The following P3H2 variants were observed in gnomAD, a reference collection of about 807,000 sequenced individuals.
P3H2 encodes prolyl 3-hydroxylase 2.
A neutral mutation model predicts 87.0 loss-of-function variants in P3H2; 80 were observed. The ratio of observed to expected loss-of-function variants is 0.92; its 90% CI spans 0.77 to 1.11. The LOEUF is 1.11. P3H2 is among the 50% of genes least tolerant of loss of function. The probability of loss-of-function intolerance (pLI) is 0.00; values close to 1 mark genes in which losing one functional copy is unlikely to be tolerated. For missense variants in P3H2, 1,001 were observed against 923.9 expected (o/e 1.08, Z -1.08); for synonymous variants, 367 against 359.3 (o/e 1.02, Z -0.24).
intron 8 of P3H2, among the ~76,000 whole-genome samples, chr3:189,976,164 G>GC (rs1723341954): frequency 6.6e-6 from 1 of 152,140 alleles, no homozygotes; most frequent in Non-Finnish European, 1.5e-5. Flanking sequence ...TTATAGTACT[G>GC]TTGGTGTGTA....
intron 1 of P3H2, among the ~76,000 whole-genome samples, chr3:190,036,016 T>C (rs1372324870): frequency 6.6e-6 from 1 of 152,214 alleles, no homozygotes; most frequent in African/African-American, 2.4e-5. Context: ...TCTGACCAGT[T>C]ATTTTATTCA....
At chr3:190,038,230 G>A (rs1334330522) in intron 1 of P3H2, among the ~76,000 whole-genome samples, 1 of 77,088 alleles carries the variant, frequency 1.3e-5, no homozygotes, top group African/African-American at 5.5e-5. Flanking sequence ...AGCAAGACTA[G>A]GTTTAAAAAA....
intron 14 of P3H2, among the ~76,000 whole-genome samples, chr3:189,958,557 G>T (rs1315349349): frequency 6.6e-6 from 1 of 151,628 alleles, no homozygotes; most frequent in Non-Finnish European, 1.5e-5. Context: ...TTGTTGGGGG[G>T]TGGGAGGGTG....
intron 1 of P3H2, among the ~76,000 whole-genome samples, chr3:190,064,551 T>C (rs1188789027): frequency 6.6e-6 from 1 of 152,152 alleles, no homozygotes; most frequent in East Asian, 1.9e-4. Context: ...CCAGTCTTTG[T>C]GCATTCACAT....
intron 1 of P3H2, among the ~76,000 whole-genome samples, chr3:190,040,699 C>T (rs1725578956): frequency 6.6e-6 from 1 of 151,948 alleles, no homozygotes; most frequent in Non-Finnish European, 1.5e-5. Context: ...TGCATCATTG[C>T]CTGTGGAAAG....
intron 1 of P3H2, among the ~76,000 whole-genome samples, chr3:190,056,251 C>T (rs1027958850): frequency 6.6e-6 from 1 of 152,172 alleles, no homozygotes; most frequent in Non-Finnish European, 1.5e-5. Context: ...AAATAAATGT[C>T]TGTTGTTCAA....
In P3H2 at chr3:190,120,239, G is replaced by A. The variant is rs1406724855; in HGVS notation, c.480+13C>T. 7 of 1,607,588 alleles carry A rather than the reference G, an allele frequency of 4.4e-6. No individual in the cohort carries two copies. The highest frequency in any genetic ancestry group is 2.7e-5 in the African/African-American group (2 of 74,868). On this transcript the variant is annotated intron_variant, in intron 1 of 14. Transcript: ENST00000319332. ...CGCAGGGGCTTTGCAGTGGAGGAGC[G>A]CTCTGTGGGTACCTTGATGTAGGCC...
intron 1 of P3H2, among the ~76,000 whole-genome samples, chr3:190,036,029 T>C (rs2693036): frequency 0.8 from 122,416 of 152,104 alleles, 49,316 homozygotes; most frequent in East Asian, 0.86. Flanking sequence ...TTTATTCAAT[T>C]GCAAGAATTG....
chr3:190,073,138 G>A (rs190638870), intron 1 of P3H2, among the ~76,000 whole-genome samples: 1 of 152,296 alleles, frequency 6.6e-6, no homozygotes, highest in African/African-American at 2.4e-5. Flanking sequence ...CTAAAGAACA[G>A]ATACACCTAA....
chr3:190,081,370 T>C (rs918998250), intron 1 of P3H2, among the ~76,000 whole-genome samples: 17 of 152,352 alleles, frequency 1.1e-4, no homozygotes, highest in Middle Eastern at 6.8e-3. Flanking sequence ...GGTAGCTTCA[T>C]GTTACCATCA....
chr3:190,066,178 C>CACACACACACACAT (rs1398712598), intron 1 of P3H2, among the ~76,000 whole-genome samples: 13 of 143,294 alleles, frequency 9.1e-5, no homozygotes, highest in African/African-American at 3.1e-4. Flanking sequence ...CACACACACA[C>CACACACACACACAT]ATATATACAC....
intron 14 of P3H2, among the ~76,000 whole-genome samples, chr3:189,960,090 T>C (rs1722768140): frequency 1.3e-5 from 2 of 152,168 alleles, no homozygotes; most frequent in Admixed American, 1.3e-4. Context: ...CCAAACATCT[T>C]ATTGTCTCTG....
intron 1 of P3H2, among the ~76,000 whole-genome samples, chr3:189,997,335 GA>G (rs1419451545): frequency 6.6e-6 from 1 of 152,120 alleles, no homozygotes; most frequent in Non-Finnish European, 1.5e-5. Context: ...CCTCACATCA[GA>G]AAAATAAAAA....
rs569650133 is a variant in P3H2 at position 190,026,990 on chromosome 3, C to T, written c.481-31548G>A. On this transcript the variant is annotated intron_variant, in intron 1 of 14. Coordinates refer to ENST00000319332, the MANE Select transcript of P3H2 (RefSeq NM_018192.4). Reference sequence around the variant, plus strand: ...TTATACTTTATTTAAAACATAACTGCCTTCTACAATACGAGCCAAGCACTG... The same window carrying T: ...TTATACTTTATTTAAAACATAACTGTCTTCTACAATACGAGCCAAGCACTG... 2.8e-3 allele frequency among the ~76,000 whole-genome samples: 419 copies of T among 152,236 alleles called. 1 individual carries two copies. The highest frequency in any genetic ancestry group is 0.018 in the South Asian group (86 of 4,820).
At chr3:189,997,835 T>C (rs752267383) in intron 1 of P3H2, among the ~76,000 whole-genome samples, 2 of 152,324 alleles carry the variant, frequency 1.3e-5, no homozygotes, top group Non-Finnish European at 2.9e-5. Flanking sequence ...TACAGATAAA[T>C]ATGAATTGTA....
intron 1 of P3H2, among the ~76,000 whole-genome samples, chr3:190,090,957 T>C (rs928112677): frequency 6.6e-6 from 1 of 151,960 alleles, no homozygotes; most frequent in Non-Finnish European, 1.5e-5. Context: ...AGCCTTCTCA[T>C]GTATTATTTT....
At chr3:190,121,334 A>G (rs1209709334), upstream of P3H2, among the ~76,000 whole-genome samples, 1 of 144,570 alleles carries the variant, frequency 6.9e-6, no homozygotes, top group East Asian at 2.3e-4. Flanking sequence ...CCCGGAACGT[A>G]AAGTTAAAAA....
intron 1 of P3H2, among the ~76,000 whole-genome samples, chr3:190,084,218 T>C (rs1277703241): frequency 6.6e-6 from 1 of 152,204 alleles, no homozygotes; most frequent in East Asian, 1.9e-4. Flanking sequence ...TTTCTCACCA[T>C]TCACTTCCTT....
chr3:190,043,760 G>A (rs982858387), intron 1 of P3H2, among the ~76,000 whole-genome samples: 1 of 152,122 alleles, frequency 6.6e-6, no homozygotes, highest in Admixed American at 6.5e-5. Context: ...ACAATAATGA[G>A]AGTAGGAATT....
Sources: allele counts gnomAD v4.1 joint callset (sites outside exome capture counted in the v4.1 genomes callset), GRCh38; gene constraint gnomAD v4.1.1; transcripts MANE v1.5; gene names NCBI Gene and HGNC (gene_info 2026-07-23, HGNC 2026-07-21).